The following SSH3 variants were observed in gnomAD, a reference collection of about 807,000 sequenced individuals.
SSH3 encodes protein phosphatase Slingshot homolog 3.
In SSH3, 67 loss-of-function variants were observed where a neutral mutation model predicts 75.0. The ratio of observed to expected loss-of-function variants is 0.89; its 90% CI spans 0.73 to 1.10. SSH3 has a LOEUF of 1.10. SSH3 is among the 50% of genes least tolerant of loss of function. The probability of loss-of-function intolerance (pLI) is 0.00; values close to 1 mark genes in which losing one functional copy is unlikely to be tolerated. For missense variants in SSH3, 824 were observed against 872.7 expected (o/e 0.94, Z 0.70); for synonymous variants, 318 against 349.2 (o/e 0.91, Z 1.00).
intron 13 of SSH3, 107 bp from the exon 14 acceptor site, chr11:67,311,484 C>A: frequency 7.0e-7 from 1 of 1,429,996 alleles, no homozygotes; most frequent in Non-Finnish European, 9.7e-7. Context: ...TCGCCTCCTC[C>A]TGGCTCTGTG....
chr11:67,311,643 A>G lies in SSH3; in HGVS notation c.1736A>G (p.Gln579Arg). ...GAAGAGCCTCTGCAGCCCTTCCCACAGCTTGCAAGGACCAAGGGAGGCCAG... is the reference window on the plus strand; with the variant it reads ...GAAGAGCCTCTGCAGCCCTTCCCACGGCTTGCAAGGACCAAGGGAGGCCAG... Reference protein sequence around the residue: ...SHEEPLQPFPQLARTKGGQQV... With the variant: ...SHEEPLQPFPRLARTKGGQQV... The change falls in exon 14 of 14, where the codon CAG becomes CGG. Residue 579 changes from glutamine to arginine, a missense_variant. Transcript: ENST00000308127. 6.2e-7 allele frequency: 1 copy of G among 1,614,076 alleles called. No homozygotes were observed. Among genetic ancestry groups the G allele is most frequent in the Non-Finnish European group, 8.5e-7 (1 of 1,180,004 alleles).
chr11:67,309,652 G>A, intron 11 of SSH3, 109 bp downstream of exon 11: 2 of 1,575,772 alleles, frequency 1.3e-6, no homozygotes, highest in Middle Eastern at 2.1e-4. Context: ...AGCCCTCAGT[G>A]TCCTTCCCTC....
intron 13 of SSH3, 135 bp downstream of exon 13, chr11:67,310,474 G>C (rs574801254): frequency 1.7e-6 from 2 of 1,193,564 alleles, no homozygotes; most frequent in East Asian, 2.6e-5. Context: ...CGCCCATGCA[G>C]GGTGTCCTGG....
intron 2 of SSH3, 116 bp downstream of exon 2, chr11:67,304,271 C>A (rs1293628534): frequency 3.6e-6 from 3 of 841,872 alleles, no homozygotes; most frequent in Non-Finnish European, 3.6e-6. Flanking sequence ...GCGAAGCCCA[C>A]TGCCAAATTT....
chr11:67,305,049 C>T, intron 3 of SSH3, 42 bp downstream of exon 3: 1 of 1,564,176 alleles, frequency 6.4e-7, no homozygotes, highest in Non-Finnish European at 8.7e-7. Flanking sequence ...GGGGAAGAGA[C>T]ACGCCTGAGG....
At chr11:67,309,274 A>T in intron 10 of SSH3, 123 bp from the exon 11 acceptor site, 1 of 1,249,452 alleles carries the variant, frequency 8.0e-7, no homozygotes. Flanking sequence ...TCCCACTGTC[A>T]CTGCTGCCTC....
chr11:67,307,689 C>T lies in SSH3; in HGVS notation c.743C>T (p.Ala248Val). The T allele has an allele frequency of 1.2e-6, 2 of 1,614,040 alleles. No homozygotes were observed. The highest frequency in any genetic ancestry group is 1.7e-6 in the Non-Finnish European group (2 of 1,180,032). ...CAGAGCTGCCTCAATGAGTGGACGG[C>T]TATGGCCGACCTGGAGTCTCTGCGG... ...SEQSCLNEWT[A>V]MADLESLRPP... Residue 248 changes from alanine (A) to valine (V), a missense_variant, in exon 7 of 14, where the codon GCT (alanine) becomes GTT (valine). Transcript: ENST00000308127. This position sits in a 1 kb window ranked among gnomAD's most constrained non-coding sequence, Gnocchi z 4.2.
Position 67,304,952 on chromosome 11 carries a change from G to A in SSH3, c.284G>A (p.Arg95Lys), listed in dbSNP as rs182079619. The A allele has an allele frequency of 3.3e-4, 534 of 1,613,520 alleles. 1 individual carries two copies. The highest frequency in any genetic ancestry group is 4.6e-4 in the South Asian group (42 of 91,078). ...SQSPQKQEEQ[R>K]QHLHLMVQLL... The stretch of plus-strand genomic sequence containing the variant: ...AGTCCCCAGAAGCAGGAGGAGCAGA[G>A]GCAGCACCTGCACCTCATGGTACAG... Residue 95 changes from arginine (R) to lysine (K), a missense_variant, in exon 3 of 14, where the codon AGG becomes AAG. Transcript: ENST00000308127.
rs747587103 is a variant in SSH3, at chr11:67,304,912, G to A, written c.244G>A (p.Gly82Arg). The A allele has an allele frequency of 1.5e-5, 25 of 1,613,722 alleles. No individual in the cohort carries two copies. Among genetic ancestry groups the A allele is most frequent in the East Asian group, 2.2e-5 (1 of 44,860 alleles). Residue 82 changes from glycine (G) to arginine (R), a missense_variant, in exon 3 of 14, where the codon GGG (glycine) becomes AGG (arginine). Physicochemically the swap from Gly to Arg is moderately radical, Grantham distance 125. Coordinates refer to ENST00000308127, the MANE Select transcript of SSH3 (RefSeq NM_017857.4). ...EELHGDQTDFGQGSQSPQKQE... is the reference protein window; with the variant it reads ...EELHGDQTDFRQGSQSPQKQE... ...GCTCCACGGGGACCAGACAGACTTCGGGCAAGGATCCCAGAGTCCCCAGAA... is the reference window on the plus strand; with the variant it reads ...GCTCCACGGGGACCAGACAGACTTCAGGCAAGGATCCCAGAGTCCCCAGAA...
chr11:67,305,514 G>A (rs1379299862), intron 3 of SSH3, among the ~76,000 whole-genome samples: 1 of 152,172 alleles, frequency 6.6e-6, no homozygotes, highest in Non-Finnish European at 1.5e-5. Context: ...GACAGGGCGA[G>A]GTCATGGCTG....
At position 67,308,956 on chromosome 11, in the gene SSH3, C is replaced by T. The variant is rs573388108; in HGVS notation, c.1062-441C>T. Reference sequence around the variant, plus strand: ...AAAGAGAGAAAAAGCCTTTTCTCCACCTTGCCCTGTCTCAGGGAAGAAGGA... The same window carrying T: ...AAAGAGAGAAAAAGCCTTTTCTCCATCTTGCCCTGTCTCAGGGAAGAAGGA... On this transcript the variant is annotated intron_variant, in intron 10 of 13. Coordinates refer to ENST00000308127, the MANE Select transcript of SSH3 (RefSeq NM_017857.4). This position sits in a 1 kb window ranked among gnomAD's most constrained non-coding sequence, Gnocchi z 4.9. 8.5e-5 allele frequency among the ~76,000 whole-genome samples: 13 copies of T among 152,228 alleles called. No homozygotes were observed. The highest frequency in any genetic ancestry group is 1.9e-4 in the Non-Finnish European group (13 of 68,008).
chr11:67,310,799 G>A lies in SSH3; in HGVS notation c.1683+460G>A, dbSNP rs1437612056. On this transcript the variant is annotated intron_variant, in intron 13 of 13. Transcript: ENST00000308127. ...TCTCAGGGGCAGGGCTGCCTCCCCA[G>A]GCCATGAGCTCCACAGGCCCCTGCA... is the stretch of plus-strand genomic sequence containing the variant. Among the ~76,000 whole-genome samples the A allele has an allele frequency of 2.6e-5, 4 of 152,288 alleles. No individual in the cohort carries two copies. In the South Asian group the frequency reaches 8.3e-4, roughly 32 times the overall value.
intron 13 of SSH3, among the ~76,000 whole-genome samples, chr11:67,311,240 G>C (rs1252937128): frequency 6.6e-6 from 1 of 152,198 alleles, no homozygotes; most frequent in Non-Finnish European, 1.5e-5. Flanking sequence ...GTGCCGGCAC[G>C]GGTTTCACCT....
In SSH3 at chr11:67,312,011, T is replaced by C; in HGVS notation, c.*124T>C. The stretch of plus-strand genomic sequence containing the variant: ...CCGCCCCATACCCGTCACTACAGCC[T>C]CACCTCCCACCCCTGTCACTACGGC... On this transcript the variant is annotated 3_prime_UTR_variant, in exon 14 of 14. Transcript: ENST00000308127. 7.8e-7 allele frequency: 1 copy of C among 1,280,190 alleles called. No homozygotes were observed. The highest frequency in any genetic ancestry group is 1.0e-6 in the Non-Finnish European group (1 of 965,878). 79.3% of individuals were successfully genotyped at this position (1,280,190 alleles called of 1,614,324 possible).
Position 67,307,771 on chromosome 11 carries a change from G to C in SSH3, c.791+34G>C. On this transcript the variant is annotated intron_variant, in intron 7 of 13. Transcript: ENST00000308127. This position sits in a 1 kb window ranked among gnomAD's most constrained non-coding sequence, Gnocchi z 4.2. ...GTGGAGGGGAGGGACTGGGTGGAGG[G>C]GAAGGCAGGATAATGCAGTGGGGGG... The C allele has an allele frequency of 2.5e-6, 4 of 1,613,870 alleles. No homozygotes were observed. Among genetic ancestry groups the C allele is most frequent in the Non-Finnish European group, 3.4e-6 (4 of 1,179,958 alleles).
At chr11:67,306,312 CCTT>C (rs1565088305) in intron 3 of SSH3, among the ~76,000 whole-genome samples, 3 of 148,724 alleles carry the variant, frequency 2.0e-5, no homozygotes, top group African/African-American at 5.0e-5. Flanking sequence ...GAAAAAACCT[CCTT>C]CTTGCTGGGC....
Position 67,307,438 on chromosome 11 carries a change from T to G in SSH3, c.602+2T>G. The G allele has an allele frequency of 1.2e-6, 2 of 1,613,946 alleles. No homozygotes were observed. The highest frequency in any genetic ancestry group is 1.7e-6 in the Non-Finnish European group (2 of 1,180,002). ...GCCCATCTCCATCCAGACCATGTGG[T>G]AAGGACAGAGACTGCCTGGACTCAG... On this transcript the variant is annotated splice_donor_variant, in intron 6 of 13. Coordinates refer to ENST00000308127, the MANE Select transcript of SSH3 (RefSeq NM_017857.4). LOFTEE classifies it high-confidence loss of function. The surrounding 1 kb of genome is among the most constrained non-coding windows in gnomAD (Gnocchi z 4.2).
intron 3 of SSH3, among the ~76,000 whole-genome samples, chr11:67,305,868 G>T (rs1432697212): frequency 6.6e-6 from 1 of 152,126 alleles, no homozygotes; most frequent in Non-Finnish European, 1.5e-5. Context: ...TGAATCTTTG[G>T]TAAAACTGAA....
rs376352694 is a variant in SSH3 at position 67,311,904 on chromosome 11, A to G, written c.*17A>G. 2.2e-4 allele frequency: 349 copies of G among 1,604,462 alleles called. No individual in the cohort carries two copies. Among genetic ancestry groups the G allele is most frequent in the Non-Finnish European group, 2.8e-4 (325 of 1,177,962 alleles). Reference sequence around the variant, plus strand: ...GAGGCCTGAGCCCTCACACATGCCCACGCTCCCCTGACACTGAAGAGGATC... The same window carrying G: ...GAGGCCTGAGCCCTCACACATGCCCGCGCTCCCCTGACACTGAAGAGGATC... On this transcript the variant is annotated 3_prime_UTR_variant, in exon 14 of 14. Coordinates refer to ENST00000308127, the MANE Select transcript of SSH3 (RefSeq NM_017857.4).
Sources: allele counts gnomAD v4.1 joint callset (sites outside exome capture counted in the v4.1 genomes callset), GRCh38; gene constraint gnomAD v4.1.1; non-coding constraint Gnocchi (gnomAD v3.1); transcripts MANE v1.5; gene names NCBI Gene and HGNC (gene_info 2026-07-23, HGNC 2026-07-21).